ERC1: variants seen among roughly 807,000 people sequenced by gnomAD.
ERC1 encodes the protein ELKS/RAB6-interacting/CAST family member 1.
A neutral mutation model predicts 132.0 loss-of-function variants in ERC1; 56 were observed. The ratio of observed to expected loss-of-function variants is 0.42; its 90% CI spans 0.34 to 0.53. The LOEUF (loss-of-function observed/expected upper bound fraction) is 0.53, where lower values mean the gene tolerates loss of function less well. ERC1 is among the 20% of genes least tolerant of loss of function. The pLI is 0.03. For synonymous variants in ERC1, 478 were observed against 476.1 expected (o/e 1.00, Z -0.05); for missense variants, 1,202 against 1,349.9 (o/e 0.89, Z 1.72).
chr12:1,262,162 G>C (rs1022886504), intron 13 of ERC1, among the ~76,000 whole-genome samples: 4 of 152,174 alleles, frequency 2.6e-5, no homozygotes, highest in Admixed American at 2.6e-4. Flanking sequence ...TTAAAAGGAA[G>C]CACTTTATTC....
Position 1,276,594 on chromosome 12 carries a change from CT to C in ERC1, c.2620-13257del, listed in dbSNP as rs745938779. Among the ~76,000 whole-genome samples the C allele has an allele frequency of 9.6e-4, 145 of 151,746 alleles. 4 individuals are homozygous for C. Among genetic ancestry groups the C allele is most frequent in the Non-Finnish European group, 6.0e-4 (41 of 67,928 alleles). On this transcript the variant is annotated intron_variant, in intron 14 of 18. Coordinates refer to ENST00000360905, the MANE Select transcript of ERC1 (RefSeq NM_178040.4). ...GTCCTGTTTTTTTTTTTTAATAACA[CT>C]GCATTATTATTACGTATTTACTACC...
intron 17 of ERC1, among the ~76,000 whole-genome samples, chr12:1,440,395 A>G (rs1243476269): frequency 3.4e-5 from 5 of 149,206 alleles, no homozygotes; most frequent in African/African-American, 5.0e-5. Context: ...TTTAGTAGAG[A>G]CGGGGTTTCA....
At chr12:1,313,994 A>G (rs866407416) in intron 15 of ERC1, among the ~76,000 whole-genome samples, 30 of 151,772 alleles carry the variant, frequency 2.0e-4, no homozygotes, top group African/African-American at 6.5e-4. Flanking sequence ...AAAACATAAT[A>G]ATAATAAATT....
At chr12:1,416,202 C>T (rs948672995) in intron 17 of ERC1, among the ~76,000 whole-genome samples, 1 of 152,214 alleles carries the variant, frequency 6.6e-6, no homozygotes, top group Non-Finnish European at 1.5e-5. Flanking sequence ...TTACCCAAGA[C>T]AGACCCTCAC....
chr12:1,082,174 C>T (rs190374016), intron 2 of ERC1, among the ~76,000 whole-genome samples: 79 of 152,092 alleles, frequency 5.2e-4, no homozygotes, highest in Middle Eastern at 6.8e-3. Flanking sequence ...ATTACAGGTT[C>T]GTGCCACCAT....
At chr12:1,002,889 A>G (rs61917258) in intron 1 of ERC1, among the ~76,000 whole-genome samples, 24,816 of 151,500 alleles carry the variant, frequency 0.16, 2,265 homozygotes, top group Non-Finnish European at 0.21. Context: ...TATATTTTGG[A>G]TATGACCCCT....
At chr12:1,127,572 G>A (rs932946940) in intron 7 of ERC1, among the ~76,000 whole-genome samples, 4 of 151,222 alleles carry the variant, frequency 2.6e-5, no homozygotes, top group East Asian at 1.9e-4. Flanking sequence ...GCGCAGTCTC[G>A]GCTCACTTTA....
At chr12:1,285,157 A>C (rs950431168) in intron 14 of ERC1, among the ~76,000 whole-genome samples, 3 of 152,220 alleles carry the variant, frequency 2.0e-5, no homozygotes, top group African/African-American at 7.2e-5. Context: ...TAACTTTCAC[A>C]GAAACAATTG....
intron 13 of ERC1, among the ~76,000 whole-genome samples, chr12:1,245,678 A>C (rs2076112898): frequency 6.6e-6 from 1 of 152,224 alleles, no homozygotes; most frequent in East Asian, 1.9e-4. Context: ...ACTGTCTTAC[A>C]TGTGAAATGA....
intron 18 of ERC1, among the ~76,000 whole-genome samples, chr12:1,448,664 A>G (rs1010946986): frequency 1.3e-5 from 2 of 152,202 alleles, no homozygotes; most frequent in Non-Finnish European, 2.9e-5. Flanking sequence ...TCTCCAATGC[A>G]TTTCACTGCC....
In ERC1 at chr12:1,420,171, ACATTCAGCATT is replaced by A. The variant is rs2092365280; in HGVS notation, c.3024+11925_3024+11935del. Reference sequence around the variant, plus strand: ...TAATTTATTATTTTTAAATGTGTTCACATTCAGCATTTCCTTTAACAAAGATACACACCTAT... The same window carrying A: ...TAATTTATTATTTTTAAATGTGTTCATCCTTTAACAAAGATACACACCTAT... On this transcript the variant is annotated intron_variant, in intron 17 of 18. Transcript: ENST00000360905. Among the ~76,000 whole-genome samples, 5 of 152,176 alleles carry A rather than the reference ACATTCAGCATT, an allele frequency of 3.3e-5. No homozygotes were observed. In the South Asian group the frequency reaches 8.3e-4, roughly 25 times the overall value.
intron 15 of ERC1, among the ~76,000 whole-genome samples, chr12:1,319,480 T>C (rs1301963712): frequency 6.6e-6 from 1 of 152,232 alleles, no homozygotes; most frequent in Non-Finnish European, 1.5e-5. Flanking sequence ...TTCCTATTTA[T>C]GTACTAAGCT....
chr12:1,407,212 AT>A (rs2091551322), intron 16 of ERC1, among the ~76,000 whole-genome samples: 1 of 152,154 alleles, frequency 6.6e-6, no homozygotes, highest in Non-Finnish European at 1.5e-5. Flanking sequence ...GAGGAGAAGG[AT>A]TTCAGAACTT....
intron 15 of ERC1, among the ~76,000 whole-genome samples, chr12:1,292,756 A>T (rs1225204311): frequency 6.6e-6 from 1 of 152,240 alleles, no homozygotes; most frequent in Non-Finnish European, 1.5e-5. Context: ...CACACCTGTA[A>T]TCCCAACACT....
chr12:996,084 C>CTGTTTTTTT (rs1565738178), intron 1 of ERC1, among the ~76,000 whole-genome samples: 1 of 147,384 alleles, frequency 6.8e-6, no homozygotes, highest in Non-Finnish European at 1.5e-5. Flanking sequence ...TTTTACTTCT[C>CTGTTTTTTT]TGTTTTTTTT....
chr12:1,259,177 C>G (rs1186311501), intron 13 of ERC1, among the ~76,000 whole-genome samples: 1 of 152,124 alleles, frequency 6.6e-6, no homozygotes, highest in Non-Finnish European at 1.5e-5. Context: ...TCTTTTCTAA[C>G]TCTGATTCCT....
chr12:1,138,902 G>A (rs2906115), intron 7 of ERC1, among the ~76,000 whole-genome samples: 63,643 of 151,942 alleles, frequency 0.42, 14,651 homozygotes, highest in African/African-American at 0.6. Context: ...CGTAATCTTA[G>A]ATCTCTGCTT....
chr12:1,443,452 AT>A (rs1449878298), intron 17 of ERC1: 2 of 152,198 alleles, frequency 1.3e-5, no homozygotes, highest in African/African-American at 4.8e-5. Context: ...CTTGAAGATT[AT>A]TGAGCTCCCA....
At chr12:1,164,012 A>G (rs1249747662) in intron 8 of ERC1, among the ~76,000 whole-genome samples, 1 of 152,102 alleles carries the variant, frequency 6.6e-6, no homozygotes, top group Non-Finnish European at 1.5e-5. Context: ...ACCATGTCTG[A>G]CCTACATGGT....
Sources: allele counts gnomAD v4.1 joint callset (sites outside exome capture counted in the v4.1 genomes callset), GRCh38; gene constraint gnomAD v4.1.1; transcripts MANE v1.5; gene names NCBI Gene and HGNC (gene_info 2026-07-23, HGNC 2026-07-21).